DERL3: variants seen among roughly 807,000 people sequenced by gnomAD.
DERL3 encodes the protein derlin 3, also known as derlin-3.
Under a neutral mutation model 23.8 loss-of-function variants are expected in DERL3, and 20 were observed. That is an observed-to-expected ratio of 0.84 (90% CI 0.59 to 1.22). DERL3 has a LOEUF of 1.22. Ranked by LOEUF, DERL3 falls within the 50% of genes most tolerant of loss-of-function variation. DERL3 has a pLI of 0.00. For synonymous variants in DERL3, 145 were observed against 132.5 expected, an observed-to-expected ratio of 1.09 and a Z score of -0.65; for missense variants, 319 against 304.1, an observed-to-expected ratio of 1.05 and a Z score of -0.36.
Position 23,838,893 on chromosome 22 carries a change from A to G in DERL3, c.93+2T>C, listed in dbSNP as rs1281122787. Reference sequence around the variant, plus strand: ...CGACGTCCGGTCCGCCCGGCCGCTTACCACCGCGGCGGTGGTGAGGACACA... The same window carrying G: ...CGACGTCCGGTCCGCCCGGCCGCTTGCCACCGCGGCGGTGGTGAGGACACA... On this transcript the variant is annotated splice_donor_variant, in intron 1 of 6. Transcript: ENST00000318109. LOFTEE classifies it high-confidence loss of function. 1.9e-6 allele frequency: 3 copies of G among 1,561,570 alleles called. No individual in the cohort carries two copies. The highest frequency in any genetic ancestry group is 1.4e-5 in the African/African-American group (1 of 73,790).
Position 23,834,636 on chromosome 22 carries a change from C to T in DERL3, c.*2233G>A. The T allele has an allele frequency of 1.2e-6, 1 of 844,184 alleles. No individual in the cohort carries two copies. Among genetic ancestry groups the T allele is most frequent in the Non-Finnish European group, 1.9e-6 (1 of 536,966 alleles). 52.3% of individuals were successfully genotyped at this position (844,184 alleles called of 1,614,324 possible). ...AAGGTTGGCACACAGGCCTCACCCT[C>T]CTCTGCCTCAGATTCCCAAGTGGGC... On this transcript the variant is annotated 3_prime_UTR_variant, in exon 7 of 7. Transcript: ENST00000318109.
In DERL3 at chr22:23,835,147, A is replaced by T; in HGVS notation, c.*1722T>A. The T allele has an allele frequency of 1.5e-6, 2 of 1,365,374 alleles. No individual in the cohort carries two copies. The highest frequency in any genetic ancestry group is 1.9e-6 in the Non-Finnish European group (2 of 1,062,174). The allele number at this position is 1,365,374 out of a possible 1,614,324, so 84.6% of individuals were successfully genotyped here. A position where few individuals can be genotyped will look rare whatever the true frequency, so the allele number is the denominator to read the frequency against. On this transcript the variant is annotated 3_prime_UTR_variant, in exon 7 of 7. Coordinates refer to ENST00000318109, the MANE Select transcript of DERL3 (RefSeq NM_001002862.3). Reference sequence around the variant, plus strand: ...GGCCTGGTGCCAGCTCTTGGAGTTGACACGGTACAGGGAGGAGACACAGCC... The same window carrying T: ...GGCCTGGTGCCAGCTCTTGGAGTTGTCACGGTACAGGGAGGAGACACAGCC...
chr22:23,837,762 C>T lies in DERL3; in HGVS notation c.420G>A (p.Arg140=). 1 of 1,614,012 alleles carries T rather than the reference C, an allele frequency of 6.2e-7. No homozygotes were observed. Among genetic ancestry groups the T allele is most frequent in the Non-Finnish European group, 8.5e-7 (1 of 1,180,018 alleles). The change falls in exon 5 of 7, where the codon AGG becomes AGA. Residue 140 remains arginine (R), a synonymous_variant. Coordinates refer to ENST00000318109, the MANE Select transcript of DERL3 (RefSeq NM_001002862.3). ...AAGTGAGCAGGCCGAAGAAGTTGAC[C>T]CTCACCCGAGGGCTGCGGCGGCTCC... ...YVWSRRSPRV[R]VNFFGLLTFQ... is the part of the protein sequence containing the mutation.
rs574563954 is a variant in DERL3 at position 23,835,876 on chromosome 22, G to A, written c.*993C>T. 224 of 985,472 alleles carry A rather than the reference G, an allele frequency of 2.3e-4. No homozygotes were observed. The South Asian group carries it at 6.7e-3, about 30-fold the overall frequency. The allele number at this position is 985,472 out of a possible 1,614,324, so 61.0% of individuals were successfully genotyped here. A position where few individuals can be genotyped will look rare whatever the true frequency, so the allele number is the denominator to read the frequency against. On this transcript the variant is annotated 3_prime_UTR_variant, in exon 7 of 7. Coordinates refer to ENST00000318109, the MANE Select transcript of DERL3 (RefSeq NM_001002862.3). ...GAAGGCTGGGCCCTCACTCCTGACC[G>A]CCAGCTCACACCGCCGCAAAGCCAT... is the stretch of plus-strand genomic sequence containing the variant.
Position 23,837,440 on chromosome 22 carries a change from G to A in DERL3, c.523+219C>T, listed in dbSNP as rs1419866743. ...TCCCATCCTCACTCCCATCAGGACC[G>A]TGCAAGCATCAGTAGATCCGTCCTG... On this transcript the variant is annotated intron_variant, in intron 5 of 6. Coordinates refer to ENST00000318109, the MANE Select transcript of DERL3 (RefSeq NM_001002862.3). The A allele has an allele frequency of 9.2e-6, 6 of 649,476 alleles. No homozygotes were observed. The East Asian group carries it at 1.1e-4, about 12-fold the overall frequency. 40.2% of individuals were successfully genotyped at this position (649,476 alleles called of 1,614,324 possible). A position where few individuals can be genotyped will look rare whatever the true frequency, so the allele number is the denominator to read the frequency against.
rs1037449404 is a variant in DERL3, at chr22:23,837,084, G to A, written c.594C>T (p.Leu198=). 1 of 1,613,952 alleles carries A rather than the reference G, an allele frequency of 6.2e-7. No homozygotes were observed. The highest frequency in any genetic ancestry group is 8.5e-7 in the Non-Finnish European group (1 of 1,179,910). The change falls in exon 6 of 7, where the codon CTC becomes CTT. Residue 198 remains leucine (L), a synonymous_variant. Transcript: ENST00000318109. The part of the protein sequence containing the change: ...VFPNQPGGKR[L]LQTPGFLKLL... ...CTCACAGGAAGCCAGGGGTCTGCAG[G>A]AGCCTCTTGCCTCCAGGCTGGTTGG...
In DERL3 at chr22:23,834,959, C is replaced by T; in HGVS notation, c.*1910G>A. On this transcript the variant is annotated 3_prime_UTR_variant, in exon 7 of 7. Coordinates refer to ENST00000318109, the MANE Select transcript of DERL3 (RefSeq NM_001002862.3). ...TGCGGAGGGCCCAGTCCTGTGTGGG[C>T]ACTGCTGGGCTGTCGCCAGCCTGGG... 6.4e-7 allele frequency: 1 copy of T among 1,569,428 alleles called. No individual in the cohort carries two copies. The highest frequency in any genetic ancestry group is 8.6e-7 in the Non-Finnish European group (1 of 1,160,078).
chr22:23,837,403 G>A, intron 5 of DERL3: 1 of 648,592 alleles, frequency 1.5e-6, no homozygotes, highest in Non-Finnish European at 2.6e-6. Flanking sequence ...CATGGGGCAG[G>A]AACCCTGACC....
Position 23,836,812 on chromosome 22 carries a change from G to A in DERL3, c.*57C>T. ...ATGGGTTTTTTCTGCCCCAAGTAGG[G>A]GTCATGGGTAGGATGGAAGCTGCCA... On this transcript the variant is annotated 3_prime_UTR_variant, in exon 7 of 7. Transcript: ENST00000318109. 3 of 1,430,106 alleles carry A rather than the reference G, an allele frequency of 2.1e-6. No individual in the cohort carries two copies. Among genetic ancestry groups the A allele is most frequent in the Non-Finnish European group, 1.8e-6 (2 of 1,090,998 alleles). 88.6% of individuals were successfully genotyped at this position (1,430,106 alleles called of 1,614,324 possible). A position where few individuals can be genotyped will look rare whatever the true frequency, so the allele number is the denominator to read the frequency against.
rs756890728 is a variant in DERL3, at chr22:23,838,576, T to C, written c.221A>G (p.Asn74Ser). 1.9e-6 allele frequency: 3 copies of C among 1,588,328 alleles called. No individual in the cohort carries two copies. Among genetic ancestry groups the C allele is most frequent in the African/African-American group, 2.7e-5 (2 of 73,878 alleles). The stretch of plus-strand genomic sequence containing the variant: ...GGGCGCAGGATACACGAAGAGCATG[T>C]TGAAGAAGAAGCTGAATCCCAGGGG... Reference protein sequence around the residue: ...FGPLGFSFFFNMLFVFRYCRM... With the variant: ...FGPLGFSFFFSMLFVFRYCRM... The change falls in exon 3 of 7, where the codon AAC (asparagine) becomes AGC (serine). Residue 74 changes from asparagine (N) to serine (S), a missense_variant. Transcript: ENST00000318109.
chr22:23,836,960 T>C lies in DERL3; in HGVS notation c.617A>G (p.Lys206Arg), dbSNP rs758975255. The C allele has an allele frequency of 8.1e-6, 13 of 1,598,688 alleles. No individual in the cohort carries two copies. In the Admixed American group the frequency reaches 1.1e-4, roughly 13 times the overall value. The change falls in exon 7 of 7, where the codon AAG (lysine) becomes AGG (arginine). Residue 206 changes from lysine to arginine, a missense_variant and splice_region_variant. Lys to Arg is a conservative substitution (Grantham distance 26). Transcript: ENST00000318109. ...TTCTGCAGGGGCATCCAGGAGCAGC[T>C]TTCTGTGGGGAGGGGCCCGTGTTGA... is the stretch of plus-strand genomic sequence containing the variant. ...KRLLQTPGFL[K>R]LLLDAPAEDP...
chr22:23,835,981 T>C lies in DERL3; in HGVS notation c.*888A>G. ...TTACCATGAAAATGACAACCTGTCTTTGGAGGAGGCCCCGTGCCACTGAGC... is the reference window on the plus strand; with the variant it reads ...TTACCATGAAAATGACAACCTGTCTCTGGAGGAGGCCCCGTGCCACTGAGC... On this transcript the variant is annotated 3_prime_UTR_variant, in exon 7 of 7. Coordinates refer to ENST00000318109, the MANE Select transcript of DERL3 (RefSeq NM_001002862.3). 16 of 985,440 alleles carry C rather than the reference T, an allele frequency of 1.6e-5. No homozygotes were observed. The highest frequency in any genetic ancestry group is 1.9e-5 in the Non-Finnish European group (16 of 829,950). The allele number at this position is 985,440 out of a possible 1,614,324, so 61.0% of individuals were successfully genotyped here.
At position 23,835,258 on chromosome 22, in the gene DERL3, A is replaced by G. The variant is rs2030952645; in HGVS notation, c.*1611T>C. ...TAGGGAGGTGTCCCCATTCTTCAGA[A>G]TGGACACAGGATCTGGGAGGGCAGC... On this transcript the variant is annotated 3_prime_UTR_variant, in exon 7 of 7. Transcript: ENST00000318109. 1.8e-6 allele frequency: 2 copies of G among 1,117,212 alleles called. No homozygotes were observed. Among genetic ancestry groups the G allele is most frequent in the Middle Eastern group, 3.8e-4 (1 of 2,664 alleles). The allele number at this position is 1,117,212 out of a possible 1,614,324, so 69.2% of individuals were successfully genotyped here. A position where few individuals can be genotyped will look rare whatever the true frequency, so the allele number is the denominator to read the frequency against.
In DERL3 at chr22:23,837,878, G is replaced by A. The variant is rs141971031; in HGVS notation, c.328-24C>T. On this transcript the variant is annotated intron_variant, in intron 4 of 6. Transcript: ENST00000318109. The stretch of plus-strand genomic sequence containing the variant: ...AGCTGGGCCAGAGTCAAGGTGCTCC[G>A]GTGCAGGCCTCAGCCCAAGCCCAGG... 9.6e-4 allele frequency: 1,530 copies of A among 1,599,040 alleles called. 12 individuals are homozygous for A. The African/African-American group carries it at 0.017, about 18-fold the overall frequency.
At position 23,835,962 on chromosome 22, in the gene DERL3, T is replaced by A; in HGVS notation, c.*907A>T. The A allele has an allele frequency of 1.0e-6, 1 of 985,446 alleles. No homozygotes were observed. Among genetic ancestry groups the A allele is most frequent in the South Asian group, 4.7e-5 (1 of 21,288 alleles). The allele number at this position is 985,446 out of a possible 1,614,324, so 61.0% of individuals were successfully genotyped here. On this transcript the variant is annotated 3_prime_UTR_variant, in exon 7 of 7. Coordinates refer to ENST00000318109, the MANE Select transcript of DERL3 (RefSeq NM_001002862.3). ...TCAACAGAGAACAGTGTTGTTACCA[T>A]GAAAATGACAACCTGTCTTTGGAGG...
At position 23,835,887 on chromosome 22, in the gene DERL3, C is replaced by T. The variant is rs2031009384; in HGVS notation, c.*982G>A. The T allele has an allele frequency of 1.0e-6, 1 of 985,522 alleles. No individual in the cohort carries two copies. The highest frequency in any genetic ancestry group is 1.2e-6 in the Non-Finnish European group (1 of 829,968). The allele number at this position is 985,522 out of a possible 1,614,324, so 61.0% of individuals were successfully genotyped here. ...CCTCACTCCTGACCGCCAGCTCACA[C>T]CGCCGCAAAGCCATCTCCACAAGGT... On this transcript the variant is annotated 3_prime_UTR_variant, in exon 7 of 7. Transcript: ENST00000318109.
rs2031148216 is a variant in DERL3 at position 23,837,314 on chromosome 22, T to C, written c.524-160A>G. On this transcript the variant is annotated intron_variant, in intron 5 of 6. Transcript: ENST00000318109. ...CAGAGTGCCAGCCCCGGGTTGGCCGTGAAGGACAAGCTTAAAAGGCCCAGA... is the reference window on the plus strand; with the variant it reads ...CAGAGTGCCAGCCCCGGGTTGGCCGCGAAGGACAAGCTTAAAAGGCCCAGA... The C allele has an allele frequency of 7.2e-6, 7 of 971,598 alleles. No homozygotes were observed. In the South Asian group the frequency reaches 9.2e-5, roughly 13 times the overall value. 60.2% of individuals were successfully genotyped at this position (971,598 alleles called of 1,614,324 possible).
intron 4 of DERL3, chr22:23,838,065 C>T: frequency 6.9e-7 from 1 of 1,458,918 alleles, no homozygotes; most frequent in East Asian, 2.5e-5. Context: ...AGGGCCCAAC[C>T]ACTGCCTGTC....
chr22:23,837,280 A>G, intron 5 of DERL3, 126 bp from the exon 6 acceptor site: 1 of 1,228,286 alleles, frequency 8.1e-7, no homozygotes, highest in Non-Finnish European at 1.1e-6. Flanking sequence ...AGTGCCCCAA[A>G]GCCTTGCACA....
Sources: allele counts gnomAD v4.1 joint callset, GRCh38; gene constraint gnomAD v4.1.1; transcripts MANE v1.5; gene names NCBI Gene and HGNC (gene_info 2026-07-23, HGNC 2026-07-21).